Variants in DNM3 observed in about 807,000 individuals in gnomAD.
DNM3 encodes dynamin 3, also known as dynamin-3.
A neutral mutation model predicts 101.6 loss-of-function variants in DNM3; 47 were observed. The ratio of observed to expected loss-of-function variants is 0.46; its 90% CI spans 0.37 to 0.59. The LOEUF is 0.59. Ranked by LOEUF, DNM3 falls within the 20% of genes least tolerant of loss-of-function variation. The pLI is 0.00. For missense variants in DNM3, 849 were observed against 1,085.7 expected (o/e 0.78, Z 3.06); for synonymous variants, 385 against 387.9 (o/e 0.99, Z 0.09).
intron 1 of DNM3, among the ~76,000 whole-genome samples, chr1:171,847,882 C>CTG (rs1308597471): frequency 1.0e-4 from 4 of 39,424 alleles, no homozygotes; most frequent in African/African-American, 5.2e-4. Flanking sequence ...ATTAATTACT[C>CTG]TCTCTCTCTC....
At chr1:171,845,393 C>A (rs2031914046) in intron 1 of DNM3, among the ~76,000 whole-genome samples, 1 of 152,038 alleles carries the variant, frequency 6.6e-6, no homozygotes, top group Non-Finnish European at 1.5e-5. Context: ...TACAGAAAAA[C>A]CAAAAAATAA....
chr1:172,388,237 GA>G (rs1034485926), intron 19 of DNM3, among the ~76,000 whole-genome samples: 6 of 141,538 alleles, frequency 4.2e-5, no homozygotes, highest in South Asian at 2.2e-4. Flanking sequence ...CCGCCTCAAA[GA>G]AAAAAAAAAG....
chr1:172,294,809 A>G (rs2064083309), intron 15 of DNM3, among the ~76,000 whole-genome samples: 1 of 151,596 alleles, frequency 6.6e-6, no homozygotes, highest in African/African-American at 2.4e-5. Flanking sequence ...CTACTTGGGA[A>G]GCTGAGGTGG....
At position 172,276,557 on chromosome 1, in the gene DNM3, A is replaced by ATGTGTGTGTGTGTGTGTGTGTG. The variant is rs60837783; in HGVS notation, c.1769+22883_1769+22904dup. ...TAATAATCACAGAAAAAAAATCTTA[A>ATGTGTGTGTGTGTGTGTGTGTG]TGTGTGTGTGTGTGTGTGTGTGTGT... On this transcript the variant is annotated intron_variant, in intron 15 of 20. Coordinates refer to ENST00000627582, the MANE Select transcript of DNM3 (RefSeq NM_015569.5). Among the ~76,000 whole-genome samples the ATGTGTGTGTGTGTGTGTGTGTG allele has an allele frequency of 4.0e-4, 58 of 144,360 alleles. 1 individual carries two copies. Among genetic ancestry groups the ATGTGTGTGTGTGTGTGTGTGTG allele is most frequent in the East Asian group, 1.2e-3 (6 of 4,894 alleles). 94.7% of individuals were successfully genotyped at this position (144,360 alleles called of 152,430 possible).
rs751261484 is a variant in DNM3, at chr1:172,388,826, A to C, written c.2522+17A>C. ...TGTCCCAAGGTAAGGCATGGAGCAG[A>C]AATTGGGGGGGTAGTGCGCCTTGGT... On this transcript the variant is annotated intron_variant, in intron 20 of 20. Coordinates refer to ENST00000627582, the MANE Select transcript of DNM3 (RefSeq NM_015569.5). The C allele has an allele frequency of 1.1e-5, 17 of 1,545,892 alleles. No individual in the cohort carries two copies. In the South Asian group the frequency reaches 2.0e-4, roughly 18 times the overall value.
intron 17 of DNM3, among the ~76,000 whole-genome samples, chr1:172,343,824 G>T (rs1002862812): frequency 6.6e-6 from 1 of 152,066 alleles, no homozygotes; most frequent in Admixed American, 6.5e-5. Context: ...TTGCCAAAAG[G>T]TTTATTATGT....
At chr1:172,259,047 G>C (rs770816176) in intron 15 of DNM3, among the ~76,000 whole-genome samples, 2 of 151,072 alleles carry the variant, frequency 1.3e-5, no homozygotes, top group Non-Finnish European at 3.0e-5. Flanking sequence ...CCATGTATTT[G>C]TACTGTTTCC....
At chr1:171,909,257 A>T (rs145048134) in intron 1 of DNM3, among the ~76,000 whole-genome samples, 58 of 152,264 alleles carry the variant, frequency 3.8e-4, no homozygotes, top group African/African-American at 1.3e-3. Context: ...CCTGGCCAAC[A>T]TAGCGTCTCT....
intron 17 of DNM3, among the ~76,000 whole-genome samples, chr1:172,333,619 A>G (rs1170177653): frequency 1.3e-5 from 2 of 152,214 alleles, no homozygotes; most frequent in Admixed American, 1.3e-4. Flanking sequence ...GATGCATATT[A>G]TCTTAATCCA....
At chr1:172,251,877 G>C (rs1053247733) in intron 14 of DNM3, among the ~76,000 whole-genome samples, 1 of 152,114 alleles carries the variant, frequency 6.6e-6, no homozygotes, top group Non-Finnish European at 1.5e-5. Flanking sequence ...ATTTGATTAT[G>C]TATTGGATAG....
chr1:172,116,819 T>C (rs1558594840), intron 13 of DNM3, among the ~76,000 whole-genome samples: 3 of 152,196 alleles, frequency 2.0e-5, no homozygotes, highest in Non-Finnish European at 2.9e-5. Context: ...ACTTTTTTAG[T>C]CATGAAAACT....
intron 1 of DNM3, among the ~76,000 whole-genome samples, chr1:171,858,033 T>G (rs900871376): frequency 6.6e-6 from 1 of 152,212 alleles, no homozygotes; most frequent in Admixed American, 6.5e-5. Flanking sequence ...ATCTTAATTT[T>G]GGGCTTCTAG....
chr1:171,939,509 A>G (rs2041674565), intron 2 of DNM3, among the ~76,000 whole-genome samples: 1 of 152,180 alleles, frequency 6.6e-6, no homozygotes, highest in Non-Finnish European at 1.5e-5. Flanking sequence ...CATTTGGTCC[A>G]TGTAATGTCT....
intron 2 of DNM3, among the ~76,000 whole-genome samples, chr1:171,958,972 A>G (rs2125491872): frequency 6.6e-6 from 1 of 152,370 alleles, no homozygotes; most frequent in African/African-American, 2.4e-5. Flanking sequence ...TAATAAGTCT[A>G]GGAGCATAAT....
At chr1:171,844,274 T>G (rs2031731137) in intron 1 of DNM3, among the ~76,000 whole-genome samples, 1 of 152,214 alleles carries the variant, frequency 6.6e-6, no homozygotes, top group Admixed American at 6.5e-5. Context: ...GTTTCTTTCC[T>G]AAGGATGCAA....
chr1:172,289,464 CT>C, intron 15 of DNM3: 1 of 365,560 alleles, frequency 2.7e-6, no homozygotes, highest in Non-Finnish European at 3.2e-6. Context: ...CGTCTCATTT[CT>C]AATTTTGTTT....
At chr1:172,140,012 A>T (rs1011141801) in intron 14 of DNM3, 1 of 152,060 alleles carries the variant, frequency 6.6e-6, no homozygotes, top group East Asian at 1.9e-4. Context: ...CACCAAAAAA[A>T]CACAGTATTG....
chr1:172,190,011 CT>C (rs61413095), intron 14 of DNM3, among the ~76,000 whole-genome samples: 72,622 of 134,258 alleles, frequency 0.54, 19,819 homozygotes, highest in African/African-American at 0.72. Flanking sequence ...AATCACATTT[CT>C]TTTTTTTTTT....
intron 17 of DNM3, among the ~76,000 whole-genome samples, chr1:172,364,455 G>A (rs2213732): frequency 0.48 from 72,089 of 151,648 alleles, 20,190 homozygotes; most frequent in East Asian, 0.87. Flanking sequence ...GAGTGGAAGA[G>A]CACATTAAAT....
Sources: allele counts gnomAD v4.1 joint callset (sites outside exome capture counted in the v4.1 genomes callset), GRCh38; gene constraint gnomAD v4.1.1; transcripts MANE v1.5; gene names NCBI Gene and HGNC (gene_info 2026-07-23, HGNC 2026-07-21).